The following SIGMAR1 variants were observed in gnomAD, a reference collection of about 807,000 sequenced individuals.
SIGMAR1 encodes sigma non-opioid intracellular receptor 1, also known as SR31747 binding protein 1.
A neutral mutation model predicts 25.4 loss-of-function variants in SIGMAR1; 18 were observed. The ratio of observed to expected loss-of-function variants is 0.71; its 90% confidence interval spans 0.49 to 1.05. The LOEUF (loss-of-function observed/expected upper bound fraction) is 1.05. Ranked by LOEUF, SIGMAR1 falls within the 50% of genes least tolerant of loss-of-function variation. The pLI is 0.00. For missense variants in SIGMAR1, 249 were observed against 301.6 expected (o/e 0.83, Z 1.29); for synonymous variants, 125 against 131.6 (o/e 0.95, Z 0.34).
At position 34,637,632 on chromosome 9, in the gene SIGMAR1, C is replaced by G; in HGVS notation, c.66G>C (p.Leu22=). 1.3e-6 allele frequency: 2 copies of G among 1,541,044 alleles called. No individual in the cohort carries two copies. Among genetic ancestry groups the G allele is most frequent in the South Asian group, 2.4e-5 (2 of 84,324 alleles). The part of the protein sequence containing the change: ...AALLLAVAAV[L]TQVVWLWLGT... ...CCAGCCAGAGCCAGACGACCTGGGT[C>G]AGCACCGCTGCGACAGCCAGGAGCA... Residue 22 remains leucine, a synonymous_variant, in exon 1 of 4, where the codon CTG becomes CTC. Coordinates refer to ENST00000277010, the MANE Select transcript of SIGMAR1 (RefSeq NM_005866.4).
chr9:34,636,925 C>CCAT, intron 3 of SIGMAR1, 72 bp downstream of exon 3: 2 of 1,259,796 alleles, frequency 1.6e-6, no homozygotes, highest in Non-Finnish European at 2.3e-6. Flanking sequence ...CTTTTCCATG[C>CCAT]CATGCTCCCC....
chr9:34,637,044 A>G lies in SIGMAR1; in HGVS notation c.398T>C (p.Phe133Ser). ...GGTGGTGCCCTCTCTCCACTGGTGG[A>G]AGGTGCCAGAGATGATGGTATCCGA... ...EISDTIISGT[F>S]HQWREGTTKS... The change falls in exon 3 of 4, where the codon TTC becomes TCC. Residue 133 changes from phenylalanine (F) to serine (S), a missense_variant. Phe to Ser is a radical substitution (Grantham distance 155). Coordinates refer to ENST00000277010, the MANE Select transcript of SIGMAR1 (RefSeq NM_005866.4). 1.2e-6 allele frequency: 2 copies of G among 1,614,162 alleles called. No individual in the cohort carries two copies. Among genetic ancestry groups the G allele is most frequent in the Non-Finnish European group, 1.7e-6 (2 of 1,180,034 alleles).
intron 1 of SIGMAR1, 27 bp from the exon 2 acceptor site, chr9:34,637,447 T>A: frequency 6.3e-7 from 1 of 1,594,994 alleles, no homozygotes; most frequent in South Asian, 1.1e-5. Flanking sequence ...GGCGGCGGAG[T>A]CAGGGCTGGC....
chr9:34,637,537 G>A lies in SIGMAR1; in HGVS notation c.151+10C>T. On this transcript the variant is annotated intron_variant, in intron 1 of 3. Transcript: ENST00000277010. ...CCGGCCGCTCCCCTCCCTGCCCTCTGCCCGCTCACCAGCGTACTGCCGCGC... is the reference window on the plus strand; with the variant it reads ...CCGGCCGCTCCCCTCCCTGCCCTCTACCCGCTCACCAGCGTACTGCCGCGC... The A allele has an allele frequency of 6.3e-7, 1 of 1,585,276 alleles. No individual in the cohort carries two copies. The highest frequency in any genetic ancestry group is 8.5e-7 in the Non-Finnish European group (1 of 1,170,390).
intron 2 of SIGMAR1, 25 bp downstream of exon 2, chr9:34,637,195 A>G: frequency 6.5e-7 from 1 of 1,545,614 alleles, no homozygotes. Flanking sequence ...CCAGCCTCCC[A>G]GTCTGGCCCG....
chr9:34,635,777 C>A lies in SIGMAR1; in HGVS notation c.527G>T (p.Gly176Val), dbSNP rs1276911828. 2 of 1,614,214 alleles carry A rather than the reference C, an allele frequency of 1.2e-6. No individual in the cohort carries two copies. The highest frequency in any genetic ancestry group is 1.7e-6 in the Non-Finnish European group (2 of 1,180,038). ...PNTWMVEYGR[G>V]VIPSTLAFAL... is the part of the protein sequence containing the mutation. Reference sequence around the variant, plus strand: ...GAAGGCCAGGGTGGATGGGATGACGCCCCGGCCGTACTCCACCATCCATGT... The same window carrying A: ...GAAGGCCAGGGTGGATGGGATGACGACCCGGCCGTACTCCACCATCCATGT... The change falls in exon 4 of 4, where the codon GGC becomes GTC. Residue 176 changes from glycine to valine, a missense_variant. By Grantham distance (109) the Gly-to-Val change is moderately radical (BLOSUM62 -3). Coordinates refer to ENST00000277010, the MANE Select transcript of SIGMAR1 (RefSeq NM_005866.4). The surrounding 1 kb of genome is among the most constrained non-coding windows in gnomAD (Gnocchi z 4.5).
At position 34,635,448 on chromosome 9, in the gene SIGMAR1, G is replaced by T; in HGVS notation, c.*184C>A. On this transcript the variant is annotated 3_prime_UTR_variant, in exon 4 of 4. Transcript: ENST00000277010. This position sits in a 1 kb window ranked among gnomAD's most constrained non-coding sequence, Gnocchi z 4.5. ...CACACAGGTCTCAGTATCTATATGT[G>T]TCTCATTTGTTCCCATGGGTCTCTG... 1.2e-6 allele frequency: 1 copy of T among 868,924 alleles called. No homozygotes were observed. Among genetic ancestry groups the T allele is most frequent in the Non-Finnish European group, 1.8e-6 (1 of 553,514 alleles). 53.8% of individuals were successfully genotyped at this position (868,924 alleles called of 1,614,324 possible).
chr9:34,637,633 A>T lies in SIGMAR1; in HGVS notation c.65T>A (p.Leu22Gln). ...CAGCCAGAGCCAGACGACCTGGGTCAGCACCGCTGCGACAGCCAGGAGCAG... is the reference window on the plus strand; with the variant it reads ...CAGCCAGAGCCAGACGACCTGGGTCTGCACCGCTGCGACAGCCAGGAGCAG... ...AALLLAVAAV[L>Q]TQVVWLWLGT... Residue 22 changes from leucine (L) to glutamine (Q), a missense_variant, in exon 1 of 4, where the codon CTG (leucine) becomes CAG (glutamine). Leu to Gln is a moderately radical substitution (Grantham distance 113). Coordinates refer to ENST00000277010, the MANE Select transcript of SIGMAR1 (RefSeq NM_005866.4). 2.6e-6 allele frequency: 4 copies of T among 1,540,584 alleles called. No individual in the cohort carries two copies. The highest frequency in any genetic ancestry group is 3.5e-6 in the Non-Finnish European group (4 of 1,148,162).
At position 34,637,294 on chromosome 9, in the gene SIGMAR1, A is replaced by G; in HGVS notation, c.278T>C (p.Met93Thr). The G allele has an allele frequency of 6.3e-7, 1 of 1,589,910 alleles. No homozygotes were observed. The highest frequency in any genetic ancestry group is 8.5e-7 in the Non-Finnish European group (1 of 1,172,018). The part of the protein sequence containing the change: ...FVNAGGWMGA[M>T]CLLHASLSEY... ...GGACAGCGAGGCGTGCAGAAGGCAC[A>G]TGGCGCCCATCCAGCCACCCGCATT... is the stretch of plus-strand genomic sequence containing the variant. Residue 93 changes from methionine to threonine, a missense_variant, in exon 2 of 4, where the codon ATG (methionine) becomes ACG (threonine). Transcript: ENST00000277010.
At chr9:34,637,163 G>C in intron 2 of SIGMAR1, 57 bp downstream of exon 2, 1 of 1,588,178 alleles carries the variant, frequency 6.3e-7, no homozygotes. Context: ...TCAGAAAGGA[G>C]GGCATGGGCC....
At chr9:34,636,948 A>G in intron 3 of SIGMAR1, 49 bp downstream of exon 3, 1 of 1,480,996 alleles carries the variant, frequency 6.8e-7, no homozygotes, top group Non-Finnish European at 9.4e-7. Flanking sequence ...AATTGTGGGC[A>G]CCCCCCGCGT....
In SIGMAR1 at chr9:34,636,981, G is replaced by A. The variant is rs757271057; in HGVS notation, c.445+16C>T. On this transcript the variant is annotated intron_variant, in intron 3 of 3. Transcript: ENST00000277010. ...CGTGAAGGGACCCACTTCTCTGACAGAGCCTTCTTACCCACCTGGGTAGAA... is the reference window on the plus strand; with the variant it reads ...CGTGAAGGGACCCACTTCTCTGACAAAGCCTTCTTACCCACCTGGGTAGAA... The A allele has an allele frequency of 7.5e-6, 12 of 1,607,708 alleles. No individual in the cohort carries two copies. The highest frequency in any genetic ancestry group is 9.4e-6 in the Non-Finnish European group (11 of 1,174,580).
intron 2 of SIGMAR1, 44 bp from the exon 3 acceptor site, chr9:34,637,133 T>C: frequency 3.1e-6 from 5 of 1,611,200 alleles, no homozygotes; most frequent in Non-Finnish European, 4.2e-6. Flanking sequence ...ATTCGCGCCA[T>C]TGCATGGCCC....
Position 34,636,477 on chromosome 9 carries a change from C to CA in SIGMAR1, c.445+519dup, listed in dbSNP as rs1304362326. Among the ~76,000 whole-genome samples the CA allele has an allele frequency of 5.3e-5, 8 of 151,530 alleles. No homozygotes were observed. In the East Asian group the frequency reaches 5.8e-4, roughly 11 times the overall value. ...TGAAACCCCGTCTCTACTAAAAATA[C>CA]AAAAAAAATTAGCCGGGCGTGGTGG... On this transcript the variant is annotated intron_variant, in intron 3 of 3. Coordinates refer to ENST00000277010, the MANE Select transcript of SIGMAR1 (RefSeq NM_005866.4).
At chr9:34,637,172 C>T in intron 2 of SIGMAR1, 48 bp downstream of exon 2, 1 of 1,572,130 alleles carries the variant, frequency 6.4e-7, no homozygotes, top group South Asian at 1.1e-5. Flanking sequence ...AGGGCATGGG[C>T]CCCTTTACAA....
At chr9:34,637,526 C>T (rs1314814229) in intron 1 of SIGMAR1, 21 bp downstream of exon 1, 3 of 1,584,922 alleles carry the variant, frequency 1.9e-6, no homozygotes, top group Admixed American at 1.7e-5. Flanking sequence ...CCGCTCCCCT[C>T]CCTGCCCTCT....
In SIGMAR1 at chr9:34,637,191, T is replaced by A. The variant is rs1410864049; in HGVS notation, c.352+29A>T. ...CATGGGCCCCTTTACAACCCCAGCC[T>A]CCCAGTCTGGCCCGCCGCTAGCACT... is the stretch of plus-strand genomic sequence containing the variant. On this transcript the variant is annotated intron_variant, in intron 2 of 3. Coordinates refer to ENST00000277010, the MANE Select transcript of SIGMAR1 (RefSeq NM_005866.4). 3.9e-6 allele frequency: 6 copies of A among 1,545,472 alleles called. No individual in the cohort carries two copies. In the African/African-American group the frequency reaches 8.2e-5, roughly 21 times the overall value.
At position 34,637,669 on chromosome 9, in the gene SIGMAR1, GCCCACCGCCGGCCCACGGCCCACT is replaced by G; in HGVS notation, c.5_28del (p.Gln2_Ala10delinsPro). 6.5e-7 allele frequency: 1 copy of G among 1,533,182 alleles called. No homozygotes were observed. Among genetic ancestry groups the G allele is most frequent in the South Asian group, 1.2e-5 (1 of 83,896 alleles). 95.0% of individuals were successfully genotyped at this position (1,533,182 alleles called of 1,614,324 possible). A position where few individuals can be genotyped will look rare whatever the true frequency, so the allele number is the denominator to read the frequency against. On this transcript the variant is annotated inframe_deletion, in exon 1 of 4. Coordinates refer to ENST00000277010, the MANE Select transcript of SIGMAR1 (RefSeq NM_005866.4). ...GACAGCCAGGAGCAGCGCGGCCCACGCCCACCGCCGGCCCACGGCCCACTGCATCCCGGCGGGCGGCCTGGCACG... is the reference window on the plus strand; with the variant it reads ...GACAGCCAGGAGCAGCGCGGCCCACGGCATCCCGGCGGGCGGCCTGGCACG...
Position 34,635,310 on chromosome 9 carries a change from A to G in SIGMAR1, c.*322T>C. 1 of 400,786 alleles carries G rather than the reference A, an allele frequency of 2.5e-6. No homozygotes were observed. The highest frequency in any genetic ancestry group is 4.7e-6 in the Non-Finnish European group (1 of 211,218). The allele number at this position is 400,786 out of a possible 1,614,324, so 24.8% of individuals were successfully genotyped here. On this transcript the variant is annotated 3_prime_UTR_variant, in exon 4 of 4. Transcript: ENST00000277010. The surrounding 1 kb of genome is among the most constrained non-coding windows in gnomAD (Gnocchi z 4.5). Reference sequence around the variant, plus strand: ...GAGGTGGGAAGCTGTGGAGCTATGGAAAGGCCTCAGTTAGTGAGTCAAGCT... The same window carrying G: ...GAGGTGGGAAGCTGTGGAGCTATGGGAAGGCCTCAGTTAGTGAGTCAAGCT...
Sources: allele counts gnomAD v4.1 joint callset (sites outside exome capture counted in the v4.1 genomes callset), GRCh38; gene constraint gnomAD v4.1.1; non-coding constraint Gnocchi (gnomAD v3.1); transcripts MANE v1.5; gene names NCBI Gene and HGNC (gene_info 2026-07-23, HGNC 2026-07-21).